SESN1: variants seen among roughly 807,000 people sequenced by gnomAD.
SESN1 encodes the protein sestrin-1.
SESN1 carries 30 observed loss-of-function variants against 59.3 expected under a neutral mutation model. That is an observed-to-expected ratio of 0.51 (90% CI 0.38 to 0.69). The LOEUF is 0.69. Among genes scored for constraint, SESN1 ranks in the 30% least tolerant of loss-of-function variants. The probability of loss-of-function intolerance (pLI) is 0.00; values close to 1 mark genes in which losing one functional copy is unlikely to be tolerated. For synonymous variants in SESN1, 197 were observed against 219.9 expected, an observed-to-expected ratio of 0.90 and a Z score of 0.92; for missense variants, 566 against 673.0, an observed-to-expected ratio of 0.84 and a Z score of 1.76.
intron 1 of SESN1, among the ~76,000 whole-genome samples, chr6:109,082,939 T>C (rs949493919): frequency 6.6e-6 from 1 of 152,198 alleles, no homozygotes; most frequent in Admixed American, 6.5e-5. Flanking sequence ...TCACCAATAT[T>C]TGTTGTGCAC....
chr6:109,001,276 A>G lies in SESN1; in HGVS notation c.546+12T>C, dbSNP rs753514716. ...ATAGGCAAAAACAATTTTTCACTGA[A>G]TGTTTACAAACCATTATTCCAATGT... is the stretch of plus-strand genomic sequence containing the variant. On this transcript the variant is annotated intron_variant, in intron 3 of 9. Transcript: ENST00000436639. 1.9e-6 allele frequency: 3 copies of G among 1,609,080 alleles called. No individual in the cohort carries two copies. The highest frequency in any genetic ancestry group is 2.5e-6 in the Non-Finnish European group (3 of 1,177,232).
chr6:108,997,829 A>G (rs1779531508), intron 5 of SESN1, among the ~76,000 whole-genome samples: 1 of 152,218 alleles, frequency 6.6e-6, no homozygotes, highest in Admixed American at 6.5e-5. Context: ...CACTACAACA[A>G]AAGAATGCAG....
At chr6:109,061,896 T>C (rs993112570) in intron 1 of SESN1, among the ~76,000 whole-genome samples, 1 of 152,222 alleles carries the variant, frequency 6.6e-6, no homozygotes, top group Non-Finnish European at 1.5e-5. Flanking sequence ...AAAACCCTGA[T>C]ATGGTCTCTA....
chr6:109,093,608 G>A (rs186044334), intron 1 of SESN1, among the ~76,000 whole-genome samples, 187 bp downstream of exon 1: 6 of 152,260 alleles, frequency 3.9e-5, no homozygotes, highest in Non-Finnish European at 8.8e-5. Flanking sequence ...ATTCTTCCAG[G>A]AGCAAAGCAG....
At chr6:109,089,532 G>A (rs538417135) in intron 1 of SESN1, among the ~76,000 whole-genome samples, 8 of 152,250 alleles carry the variant, frequency 5.3e-5, no homozygotes, top group East Asian at 1.9e-4. Context: ...CTAGAACAGC[G>A]GTATCGGGGG....
intron 1 of SESN1, among the ~76,000 whole-genome samples, chr6:109,070,168 T>C (rs1453182435): frequency 6.6e-6 from 1 of 152,152 alleles, no homozygotes; most frequent in Non-Finnish European, 1.5e-5. Flanking sequence ...CAAAAGAGCA[T>C]TAAGTCTCTG....
intron 1 of SESN1, among the ~76,000 whole-genome samples, chr6:109,085,352 T>C (rs1228873102): frequency 3.3e-5 from 5 of 152,112 alleles, no homozygotes; most frequent in African/African-American, 1.2e-4. Context: ...ATCCCGTCTC[T>C]ACTAAAAATA....
rs1022459799 is a variant in SESN1, at chr6:108,985,149, A to C, written c.*2395T>G. On this transcript the variant is annotated 3_prime_UTR_variant, in exon 10 of 10. Coordinates refer to ENST00000436639, the MANE Select transcript of SESN1 (RefSeq NM_014454.3). Reference sequence around the variant, plus strand: ...TATGAATATGCTAATAAAATTTCAGAGTATATTGATAAAAAGTGCTTATCC... The same window carrying C: ...TATGAATATGCTAATAAAATTTCAGCGTATATTGATAAAAAGTGCTTATCC... Among the ~76,000 whole-genome samples, 6 of 152,192 alleles carry C rather than the reference A, an allele frequency of 3.9e-5. No homozygotes were observed. The highest frequency in any genetic ancestry group is 9.7e-5 in the African/African-American group (4 of 41,424).
chr6:109,008,702 C>T, intron 1 of SESN1: 1 of 847,226 alleles, frequency 1.2e-6, no homozygotes, highest in Non-Finnish European at 1.4e-6. Flanking sequence ...AAATGGTTTC[C>T]TATTTGCAAC....
chr6:109,005,153 G>A (rs569123058), intron 1 of SESN1, among the ~76,000 whole-genome samples: 60 of 152,106 alleles, frequency 3.9e-4, no homozygotes, highest in Non-Finnish European at 6.3e-4. Flanking sequence ...CTAATAGTAC[G>A]AGGTTGAAAA....
chr6:108,995,131 G>T lies in SESN1; in HGVS notation c.973-522C>A, dbSNP rs555499841. ...GATTTTAAAATATAAGGAAAAAAAT[G>T]ATTTTAAGAACACATTCTAATGCTT... is the stretch of plus-strand genomic sequence containing the variant. On this transcript the variant is annotated intron_variant, in intron 5 of 9. Coordinates refer to ENST00000436639, the MANE Select transcript of SESN1 (RefSeq NM_014454.3). Among the ~76,000 whole-genome samples, 10 of 152,280 alleles carry T rather than the reference G, an allele frequency of 6.6e-5. No individual in the cohort carries two copies. The South Asian group carries it at 2.1e-3, about 32-fold the overall frequency.
chr6:109,017,339 G>A (rs185404788), intron 1 of SESN1, among the ~76,000 whole-genome samples: 211 of 152,140 alleles, frequency 1.4e-3, no homozygotes, highest in African/African-American at 4.7e-3. Context: ...AGGCTGGAGC[G>A]CAGTGGTGCA....
intron 5 of SESN1, among the ~76,000 whole-genome samples, chr6:108,995,490 TGG>T (rs943482864): frequency 2.0e-5 from 3 of 152,188 alleles, no homozygotes; most frequent in Admixed American, 6.5e-5. Context: ...CATAGAGTAA[TGG>T]GGCTGACAAA....
At chr6:109,076,067 T>A (rs367683858) in intron 1 of SESN1, among the ~76,000 whole-genome samples, 1 of 152,190 alleles carries the variant, frequency 6.6e-6, no homozygotes, top group East Asian at 1.9e-4. Flanking sequence ...ATAAATAATA[T>A]GATGTTTGAG....
chr6:109,022,887 T>C (rs1397021565), intron 1 of SESN1, among the ~76,000 whole-genome samples: 2 of 152,172 alleles, frequency 1.3e-5, no homozygotes, highest in Non-Finnish European at 2.9e-5. Flanking sequence ...TACTATACCA[T>C]AATGCTGCCT....
At chr6:109,020,755 A>G (rs1285828635) in intron 1 of SESN1, among the ~76,000 whole-genome samples, 3 of 152,232 alleles carry the variant, frequency 2.0e-5, no homozygotes, top group East Asian at 3.9e-4. Flanking sequence ...CCTGCAATAT[A>G]GACACAAAAA....
intron 1 of SESN1, among the ~76,000 whole-genome samples, chr6:109,012,544 A>C (rs1371608655): frequency 6.6e-6 from 1 of 152,156 alleles, no homozygotes; most frequent in African/African-American, 2.4e-5. Context: ...GAGAACTATG[A>C]AATATTAGGG....
At position 108,984,693 on chromosome 6, in the gene SESN1, AT is replaced by A. The variant is rs1356889734; in HGVS notation, c.*2850del. Among the ~76,000 whole-genome samples, 2 of 152,142 alleles carry A rather than the reference AT, an allele frequency of 1.3e-5. No individual in the cohort carries two copies. Among genetic ancestry groups the A allele is most frequent in the African/African-American group, 2.4e-5 (1 of 41,424 alleles). ...ATCCTATTGTAAATGGAATTGTTAA[AT>A]TTTTTTGGATCATTCATTGTTAGTG... is the stretch of plus-strand genomic sequence containing the variant. On this transcript the variant is annotated 3_prime_UTR_variant, in exon 10 of 10. Coordinates refer to ENST00000436639, the MANE Select transcript of SESN1 (RefSeq NM_014454.3).
In SESN1 at chr6:108,988,666, A is replaced by G. The variant is rs200968209; in HGVS notation, c.1446T>C (p.Gly482=). 2 of 1,609,376 alleles carry G rather than the reference A, an allele frequency of 1.2e-6. No individual in the cohort carries two copies. Among genetic ancestry groups the G allele is most frequent in the Non-Finnish European group, 1.7e-6 (2 of 1,177,706 alleles). ...TACGATCCAATAGCTGGTTAATTTCACCATAGTCATAATCATCATATCTGT... is the reference window on the plus strand; with the variant it reads ...TACGATCCAATAGCTGGTTAATTTCGCCATAGTCATAATCATCATATCTGT... The part of the protein sequence containing the change: ...FGIRYDDYDY[G]EINQLLDRSF... Residue 482 remains glycine, a synonymous_variant, in exon 9 of 10, where the codon GGT becomes GGC. Coordinates refer to ENST00000436639, the MANE Select transcript of SESN1 (RefSeq NM_014454.3).
Sources: gnomAD v4.1 joint callset for allele counts (sites outside exome capture counted in the v4.1 genomes callset) on GRCh38, gnomAD v4.1.1 for gene constraint, MANE v1.5 for transcripts, NCBI Gene and HGNC (gene_info 2026-07-23, HGNC 2026-07-21) for gene names.